Variants in ACSL1 observed in about 807,000 individuals in gnomAD.
The protein encoded by ACSL1 is acyl-CoA synthetase long chain family member 1, also known as long-chain-fatty-acid--CoA ligase 1.
Under a neutral mutation model 98.4 loss-of-function variants are expected in ACSL1, and 41 were observed. The observed-to-expected ratio is 0.42, with a 90% CI of 0.32 to 0.54. The LOEUF (loss-of-function observed/expected upper bound fraction) is 0.54. ACSL1 is among the 20% of genes least tolerant of loss of function. The pLI is 0.13. For synonymous variants in ACSL1, 316 were observed against 322.7 expected (o/e 0.98, Z 0.22); for missense variants, 734 against 883.1 (o/e 0.83, Z 2.14).
At chr4:184,782,410 G>T (rs1028436183) in intron 4 of ACSL1, among the ~76,000 whole-genome samples, 2 of 151,790 alleles carry the variant, frequency 1.3e-5, no homozygotes, top group Non-Finnish European at 2.9e-5. Context: ...AATGAAGTGT[G>T]CAAGTCATAG....
intron 2 of ACSL1, among the ~76,000 whole-genome samples, chr4:184,801,976 A>T (rs1414779205): frequency 6.6e-6 from 1 of 152,210 alleles, no homozygotes; most frequent in African/African-American, 2.4e-5. Flanking sequence ...CTTCATGGAG[A>T]TGGCAGCGCT....
At chr4:184,819,013 T>C (rs374723727) in intron 1 of ACSL1, among the ~76,000 whole-genome samples, 17 of 152,038 alleles carry the variant, frequency 1.1e-4, no homozygotes, top group African/African-American at 4.1e-4. Flanking sequence ...TACAGCTGAA[T>C]GACAGTGAGT....
chr4:184,823,819 T>C (rs1773252211), intron 1 of ACSL1, among the ~76,000 whole-genome samples: 1 of 152,204 alleles, frequency 6.6e-6, no homozygotes, highest in African/African-American at 2.4e-5. Flanking sequence ...AAGAGAAAAC[T>C]ATCACATAAT....
intron 2 of ACSL1, among the ~76,000 whole-genome samples, chr4:184,793,990 T>C (rs983350985): frequency 6.6e-6 from 1 of 152,200 alleles, no homozygotes; most frequent in Non-Finnish European, 1.5e-5. Flanking sequence ...CAATACCTAA[T>C]ATGATGTAAA....
At chr4:184,804,001 T>C (rs1770986899) in intron 1 of ACSL1, among the ~76,000 whole-genome samples, 1 of 152,294 alleles carries the variant, frequency 6.6e-6, no homozygotes, top group African/African-American at 2.4e-5. Flanking sequence ...GGGCCATCAG[T>C]TTCTATTTCT....
At chr4:184,808,986 T>G (rs1771763666) in intron 1 of ACSL1, among the ~76,000 whole-genome samples, 1 of 152,202 alleles carries the variant, frequency 6.6e-6, no homozygotes, top group African/African-American at 2.4e-5. Flanking sequence ...AACATGCAAG[T>G]GGTTCCACAG....
rs1426571020 is a variant in ACSL1, at chr4:184,825,830, T to G, written c.-33+86A>C. ...GCGGCCGCTGCTCCGGGCTCGGCCC[T>G]GAAGGGCAACGTCAGCCGGCGCCTC... On this transcript the variant is annotated intron_variant, in intron 1 of 20. Transcript: ENST00000281455. This position sits in a 1 kb window ranked among gnomAD's most constrained non-coding sequence, Gnocchi z 4.7. 6.7e-6 allele frequency: 1 copy of G among 148,966 alleles called. No homozygotes were observed. Among genetic ancestry groups the G allele is most frequent in the Non-Finnish European group, 1.5e-5 (1 of 66,826 alleles). The allele number at this position is 148,966 out of a possible 1,614,324, so 9.2% of individuals were successfully genotyped here.
intron 1 of ACSL1, chr4:184,808,514 C>A (rs1771713341): frequency 1.0e-6 from 1 of 985,442 alleles, no homozygotes. Flanking sequence ...ACGCAGCAAC[C>A]CAAGCTGGCA....
chr4:184,770,500 G>A, intron 10 of ACSL1, 24 bp from the exon 11 acceptor site: 1 of 1,458,636 alleles, frequency 6.9e-7, no homozygotes, highest in South Asian at 1.1e-5. Flanking sequence ...CACCAGCAAG[G>A]CAGAAAAGCA....
At chr4:184,776,060 C>T (rs1765238153) in intron 7 of ACSL1, among the ~76,000 whole-genome samples, 3 of 152,188 alleles carry the variant, frequency 2.0e-5, no homozygotes, top group Admixed American at 2.0e-4. Context: ...TTCACCAAGA[C>T]TCTCCACGAG....
chr4:184,786,431 C>T (rs1308042377), intron 3 of ACSL1, among the ~76,000 whole-genome samples: 13 of 141,822 alleles, frequency 9.2e-5, no homozygotes, highest in African/African-American at 3.2e-4. Context: ...CACACACACA[C>T]ACACACACAC....
rs570371861 is a variant in ACSL1 at position 184,776,423 on chromosome 4, G to A, written c.756+61C>T. On this transcript the variant is annotated intron_variant, in intron 7 of 20. Coordinates refer to ENST00000281455, the MANE Select transcript of ACSL1 (RefSeq NM_001995.5). ...AGCACTAGATAGCACTGGATAGCACGTGTGAGCCAACACGGCCCCAGGGAA... is the reference window on the plus strand; with the variant it reads ...AGCACTAGATAGCACTGGATAGCACATGTGAGCCAACACGGCCCCAGGGAA... 3.7e-4 allele frequency: 578 copies of A among 1,559,700 alleles called. 3 individuals are homozygous for A. The highest frequency in any genetic ancestry group is 1.4e-3 in the Middle Eastern group (6 of 4,262).
intron 10 of ACSL1, among the ~76,000 whole-genome samples, chr4:184,772,645 T>A (rs1223542091): frequency 6.6e-6 from 1 of 152,236 alleles, no homozygotes; most frequent in Non-Finnish European, 1.5e-5. Flanking sequence ...TTACTACTTC[T>A]AGTGCAATGG....
At chr4:184,815,490 G>T (rs954087076) in intron 1 of ACSL1, among the ~76,000 whole-genome samples, 18 of 119,688 alleles carry the variant, frequency 1.5e-4, no homozygotes, top group Admixed American at 2.4e-4. Flanking sequence ...ACCCAGGCCT[G>T]GGGGGGGAAA....
intron 1 of ACSL1, chr4:184,815,067 G>A: frequency 2.2e-6 from 1 of 456,274 alleles, no homozygotes; most frequent in South Asian, 1.5e-5. Flanking sequence ...AGTTAACAGA[G>A]CTACAGAAGA....
chr4:184,765,793 G>GAA, intron 14 of ACSL1, 98 bp downstream of exon 14: 1 of 935,594 alleles, frequency 1.1e-6, no homozygotes, highest in Non-Finnish European at 1.6e-6. Flanking sequence ...AATTAAGAAA[G>GAA]AACACACACA....
intron 4 of ACSL1, among the ~76,000 whole-genome samples, chr4:184,780,902 G>C (rs141770493): frequency 1.5e-3 from 223 of 152,188 alleles, no homozygotes; most frequent in African/African-American, 5.1e-3. Flanking sequence ...TCTTGAGAAC[G>C]TATTCTTAGG....
chr4:184,759,735 G>A (rs1156661607), intron 18 of ACSL1, among the ~76,000 whole-genome samples: 2 of 152,278 alleles, frequency 1.3e-5, no homozygotes, highest in East Asian at 1.9e-4. Context: ...CACTGTTGGT[G>A]GGACTGTAAA....
intron 4 of ACSL1, 121 bp downstream of exon 4, chr4:184,783,806 C>G: frequency 1.1e-6 from 1 of 908,556 alleles, no homozygotes. Flanking sequence ...ATGCTTACGG[C>G]AAGGCTCTGA....
Sources: allele counts gnomAD v4.1 joint callset (sites outside exome capture counted in the v4.1 genomes callset), GRCh38; gene constraint gnomAD v4.1.1; non-coding constraint Gnocchi (gnomAD v3.1); transcripts MANE v1.5; gene names NCBI Gene and HGNC (gene_info 2026-07-23, HGNC 2026-07-21).